Variants in NPIPB11 observed in about 807,000 individuals in gnomAD.
NPIPB11 encodes the protein nuclear pore complex-interacting protein family member B11.
A neutral mutation model predicts 32.8 loss-of-function variants in NPIPB11; 17 were observed. The ratio of observed to expected loss-of-function variants is 0.52; its 90% CI spans 0.35 to 0.78. The LOEUF (loss-of-function observed/expected upper bound fraction) is 0.78. Ranked by LOEUF, NPIPB11 falls within the 30% of genes least tolerant of loss-of-function variation. The pLI is 0.01. For missense variants in NPIPB11, 537 were observed against 1,000.4 expected (o/e 0.54, Z 6.25); for synonymous variants, 209 against 398.4 (o/e 0.52, Z 5.66).
chr16:29,400,081 C>CA (rs952135402), intron 2 of NPIPB11, among the ~76,000 whole-genome samples: 11 of 149,036 alleles, frequency 7.4e-5, no homozygotes, highest in South Asian at 4.3e-4. Flanking sequence ...GACTCTGTCT[C>CA]AAAAAAAAAG....
chr16:29,397,990 T>C lies in NPIPB11; in HGVS notation c.121-3914A>G, dbSNP rs1470238275. Among the ~76,000 whole-genome samples, 366 of 88,524 alleles carry C rather than the reference T, an allele frequency of 4.1e-3. 3 individuals carry two copies. Among genetic ancestry groups the C allele is most frequent in the African/African-American group, 0.015 (266 of 17,758 alleles). 58.1% of individuals were successfully genotyped at this position (88,524 alleles called of 152,430 possible). A position where few individuals can be genotyped will look rare whatever the true frequency, so the allele number is the denominator to read the frequency against. On this transcript the variant is annotated intron_variant, in intron 2 of 7. Transcript: ENST00000524087. ...AGGGAGCGTGAGGCTTAGGAGCAAT[T>C]AGAGGGAGACAAAAAGGTTCTGCTA...
At chr16:29,397,670 G>A (rs749410396) in intron 2 of NPIPB11, 49 of 1,294,386 alleles carry the variant, frequency 3.8e-5, no homozygotes, top group Non-Finnish European at 5.1e-5. Context: ...GCGCCCTGAG[G>A]CGTCCAGGAC....
chr16:29,399,906 G>A (rs561862213), intron 2 of NPIPB11, among the ~76,000 whole-genome samples: 15 of 151,644 alleles, frequency 9.9e-5, no homozygotes, highest in Middle Eastern at 3.4e-3. Flanking sequence ...GTGAAACCCC[G>A]TCTCTACTAA....
At chr16:29,382,197 G>A in exon 8 of NPIPB11, 1 of 850,394 alleles carries the variant, frequency 1.2e-6, no homozygotes, top group Non-Finnish European at 1.8e-6. Context: ...TGAGGGTGGA[G>A]CTGAGGGTGG....
rs562003502 is a variant in NPIPB11, at chr16:29,399,221, C to T, written c.120+4462G>A. 1.1e-4 allele frequency among the ~76,000 whole-genome samples: 16 copies of T among 152,184 alleles called. No homozygotes were observed. In the East Asian group the frequency reaches 1.2e-3, roughly 11 times the overall value. On this transcript the variant is annotated intron_variant, in intron 2 of 7. Transcript: ENST00000524087. The stretch of plus-strand genomic sequence containing the variant: ...TTAAACTTCCCACAGGGCTTCTGCC[C>T]GATCACACAGAGTGTGCCCAAACTC...
At position 29,390,001 on chromosome 16, in the gene NPIPB11, A is replaced by G. The variant is rs1963674605; in HGVS notation, c.485T>C (p.Val162Ala). 6 of 1,591,862 alleles carry G rather than the reference A, an allele frequency of 3.8e-6. No homozygotes were observed. In the African/African-American group the frequency reaches 5.4e-5, roughly 14 times the overall value. ...GTCATGACGGTTGATTTTCGTTGTC[A>G]CCTTCCTCTTACGGATTTTAGCTCT... is the stretch of plus-strand genomic sequence containing the variant. Residue 162 changes from valine (V) to alanine (A), a missense_variant, in exon 5 of 8, where the codon GTG becomes GCG. Physicochemically the swap from Val to Ala is moderately conservative, Grantham distance 64. Coordinates refer to ENST00000524087, the Ensembl canonical transcript of NPIPB11.
intron 3 of NPIPB11, among the ~76,000 whole-genome samples, 197 bp from the exon 4 acceptor site, chr16:29,390,545 C>T (rs1158701679): frequency 3.3e-5 from 5 of 151,268 alleles, no homozygotes; most frequent in Non-Finnish European, 7.4e-5. Flanking sequence ...CCAAGCTACT[C>T]GGGAGGCTGA....
intron 5 of NPIPB11, 99 bp downstream of exon 5, chr16:29,389,842 C>T: frequency 1.3e-6 from 2 of 1,563,354 alleles, no homozygotes; most frequent in African/African-American, 1.4e-5. Context: ...ACTGAATTTG[C>T]CACAAATATT....
chr16:29,396,763 A>AAAAT (rs1261544322), intron 2 of NPIPB11, among the ~76,000 whole-genome samples: 3 of 133,538 alleles, frequency 2.2e-5, no homozygotes, highest in East Asian at 2.0e-4. Context: ...CTGTCTCAAA[A>AAAAT]AAATAAATAA....
At chr16:29,396,891 C>T (rs1245899179) in intron 2 of NPIPB11, among the ~76,000 whole-genome samples, 3 of 151,460 alleles carry the variant, frequency 2.0e-5, no homozygotes, top group Admixed American at 6.6e-5. Flanking sequence ...GTGGCTCACG[C>T]CTGTAATCCC....
chr16:29,391,719 T>G (rs969877146), intron 3 of NPIPB11, among the ~76,000 whole-genome samples: 1 of 152,122 alleles, frequency 6.6e-6, no homozygotes, highest in Non-Finnish European at 1.5e-5. Flanking sequence ...CCTGAGGTAG[T>G]CATTGAAATG....
At chr16:29,390,992 C>T (rs992669981) in intron 3 of NPIPB11, among the ~76,000 whole-genome samples, 1 of 150,136 alleles carries the variant, frequency 6.7e-6, no homozygotes, top group South Asian at 2.1e-4. Flanking sequence ...AAATAGGCCA[C>T]CTGCGGTAGC....
At chr16:29,390,603 G>A (rs1358429975) in intron 3 of NPIPB11, among the ~76,000 whole-genome samples, 2 of 149,676 alleles carry the variant, frequency 1.3e-5, no homozygotes, top group Non-Finnish European at 3.0e-5. Flanking sequence ...AGTGAGCCGA[G>A]ATCACACCAC....
At chr16:29,390,437 A>C in intron 3 of NPIPB11, 89 bp from the exon 4 acceptor site, 1 of 1,589,836 alleles carries the variant, frequency 6.3e-7, no homozygotes, top group Admixed American at 1.7e-5. Context: ...CAGGTGGATC[A>C]CGGGGTCAGG....
At chr16:29,400,328 A>T (rs1963960328) in intron 2 of NPIPB11, among the ~76,000 whole-genome samples, 1 of 151,796 alleles carries the variant, frequency 6.6e-6, no homozygotes, top group Non-Finnish European at 1.5e-5. Flanking sequence ...CAAAGCCAGG[A>T]TCAACCTCCC....
In NPIPB11 at chr16:29,393,347, A is replaced by G. The variant is rs565424926; in HGVS notation, c.249+601T>C. Among the ~76,000 whole-genome samples, 4 of 151,266 alleles carry G rather than the reference A, an allele frequency of 2.6e-5. No individual in the cohort carries two copies. The South Asian group carries it at 6.3e-4, about 24-fold the overall frequency. ...CTCAGAGGAACTTTGTCTCAGGCCA[A>G]TTGTTTGTTCCTTGGCCTCTTTCAT... On this transcript the variant is annotated intron_variant, in intron 3 of 7. Transcript: ENST00000524087.
In NPIPB11 at chr16:29,393,939, T is replaced by C. The variant is rs1963783018; in HGVS notation, c.249+9A>G. On this transcript the variant is annotated intron_variant, in intron 3 of 7. Coordinates refer to ENST00000524087, the Ensembl canonical transcript of NPIPB11. Reference sequence around the variant, plus strand: ...CAAGTATACCTCTACAGAAAGTTAGTATACTCACCCAAAGGTAAACTATCC... The same window carrying C: ...CAAGTATACCTCTACAGAAAGTTAGCATACTCACCCAAAGGTAAACTATCC... The C allele has an allele frequency of 1.9e-6, 3 of 1,578,204 alleles. No homozygotes were observed. Among genetic ancestry groups the C allele is most frequent in the South Asian group, 2.3e-5 (2 of 87,466 alleles).
chr16:29,393,816 A>AGC (rs1963780278), intron 3 of NPIPB11, 132 bp downstream of exon 3: 1 of 1,231,080 alleles, frequency 8.1e-7, no homozygotes, highest in Admixed American at 2.9e-5. Context: ...TTCTTATGCT[A>AGC]ATAAATCATT....
intron 2 of NPIPB11, chr16:29,397,471 A>T (rs1038664732): frequency 1.6e-6 from 2 of 1,259,382 alleles, no homozygotes; most frequent in African/African-American, 3.1e-5. Context: ...TCGGCCCCCT[A>T]AAGTGCTGGG....
Sources: gnomAD v4.1 joint callset for allele counts (sites outside exome capture counted in the v4.1 genomes callset) on GRCh38, gnomAD v4.1.1 for gene constraint, MANE v1.5 for transcripts, NCBI Gene and HGNC (gene_info 2026-07-23, HGNC 2026-07-21) for gene names.